Variants in TNRC6A observed in about 807,000 individuals in gnomAD.
The protein encoded by TNRC6A is trinucleotide repeat containing adaptor 6A, also known as trinucleotide repeat-containing gene 6A protein.
Under a neutral mutation model 221.2 loss-of-function variants are expected in TNRC6A, and 44 were observed. The observed-to-expected ratio is 0.20, with a 90% CI of 0.16 to 0.26. TNRC6A has a LOEUF of 0.26. Among genes scored for constraint, TNRC6A ranks in the 10% least tolerant of loss-of-function variants. TNRC6A has a pLI of 1.00. For missense variants in TNRC6A, 2,199 were observed against 2,404.4 expected (o/e 0.91, Z 1.79); for synonymous variants, 847 against 838.5 (o/e 1.01, Z -0.18).
intron 2 of TNRC6A, among the ~76,000 whole-genome samples, chr16:24,681,530 A>C (rs1252025665): frequency 6.6e-6 from 1 of 151,810 alleles, no homozygotes; most frequent in Non-Finnish European, 1.5e-5. Flanking sequence ...ACCTGACCTA[A>C]CCTGTTTTTT....
At chr16:24,746,827 G>C (rs759841904) in intron 2 of TNRC6A, among the ~76,000 whole-genome samples, 14 of 152,144 alleles carry the variant, frequency 9.2e-5, no homozygotes, top group Non-Finnish European at 1.3e-4. Context: ...GTCAGGAGGC[G>C]CAAGAGTAGG....
intron 18 of TNRC6A, among the ~76,000 whole-genome samples, chr16:24,810,047 A>G (rs2058511787): frequency 6.6e-6 from 1 of 152,210 alleles, no homozygotes; most frequent in African/African-American, 2.4e-5. Flanking sequence ...TCCTGACCTC[A>G]GGTGATCCAT....
At chr16:24,770,063 G>T (rs558441674) in intron 4 of TNRC6A, among the ~76,000 whole-genome samples, 1 of 152,286 alleles carries the variant, frequency 6.6e-6, no homozygotes, top group African/African-American at 2.4e-5. Context: ...AACATAACAT[G>T]CTTCTAAGAT....
intron 2 of TNRC6A, among the ~76,000 whole-genome samples, chr16:24,660,931 C>T (rs147415502): frequency 3.3e-4 from 50 of 151,596 alleles, no homozygotes; most frequent in African/African-American, 1.2e-3. Flanking sequence ...TTAGTAGAGA[C>T]GGGGTTTCAC....
At chr16:24,727,371 T>C (rs1212346453), upstream of TNRC6A, among the ~76,000 whole-genome samples, 2 of 152,124 alleles carry the variant, frequency 1.3e-5, no homozygotes, top group African/African-American at 4.8e-5. Flanking sequence ...TGGGAATTAG[T>C]TCCAGGCTTT....
intron 2 of TNRC6A, among the ~76,000 whole-genome samples, chr16:24,642,012 G>T (rs528903121): frequency 6.6e-6 from 1 of 152,332 alleles, no homozygotes; most frequent in Non-Finnish European, 1.5e-5. Context: ...GATAGGTTGG[G>T]TTTGACTGGA....
intron 2 of TNRC6A, among the ~76,000 whole-genome samples, chr16:24,641,414 G>T (rs948524595): frequency 2.0e-5 from 3 of 152,188 alleles, no homozygotes; most frequent in Admixed American, 6.5e-5. Flanking sequence ...CAGTTAGGAG[G>T]CCTTTGGAGA....
At chr16:24,730,727 T>C (rs1389235371) in intron 2 of TNRC6A, among the ~76,000 whole-genome samples, 1 of 62,450 alleles carries the variant, frequency 1.6e-5, no homozygotes, top group East Asian at 4.4e-4. Flanking sequence ...TACTATGTGT[T>C]CGCATTCCCC....
intron 1 of TNRC6A, among the ~76,000 whole-genome samples, chr16:24,635,107 C>A (rs1478642583): frequency 1.4e-5 from 2 of 139,774 alleles, no homozygotes; most frequent in African/African-American, 2.8e-5. Context: ...TTCTTTCTTT[C>A]TTTATTTCTT....
At chr16:24,707,975 C>T (rs1359561865) in intron 2 of TNRC6A, among the ~76,000 whole-genome samples, 1 of 151,910 alleles carries the variant, frequency 6.6e-6, no homozygotes, top group African/African-American at 2.4e-5. Flanking sequence ...GGGAGGACTG[C>T]TTGAGTCTGG....
rs1157666013 is a variant in TNRC6A, at chr16:24,777,126, G to A, written c.357G>A (p.Gln119=). Reference sequence around the variant, plus strand: ...AGCAGCCACAGCCGCAGCCGCAGCAGCAGCAGCCACAGCAGCAGCCACAGG... The same window carrying A: ...AGCAGCCACAGCCGCAGCCGCAGCAACAGCAGCCACAGCAGCAGCCACAGG... ...PQQQPQPQPQ[Q]QQPQQQPQAL... is the part of the protein sequence containing the mutation. The change falls in exon 5 of 25, where the codon CAG becomes CAA. Residue 119 remains glutamine, a synonymous_variant. Transcript: ENST00000395799. 4 of 1,611,176 alleles carry A rather than the reference G, an allele frequency of 2.5e-6. No homozygotes were observed. In the South Asian group the frequency reaches 3.3e-5, roughly 13 times the overall value.
At chr16:24,778,308 A>G (rs1236623978) in intron 5 of TNRC6A, 1 of 984,936 alleles carries the variant, frequency 1.0e-6, no homozygotes, top group Non-Finnish European at 1.2e-6. Context: ...ACCAAGAACT[A>G]CTCTGTACAT....
At chr16:24,743,784 A>G (rs1347450160) in intron 2 of TNRC6A, among the ~76,000 whole-genome samples, 1 of 152,196 alleles carries the variant, frequency 6.6e-6, no homozygotes. Context: ...ACTTACAGAC[A>G]TGATACCCCT....
At chr16:24,663,843 C>T (rs771085419) in intron 2 of TNRC6A, 37 of 447,352 alleles carry the variant, frequency 8.3e-5, no homozygotes, top group Non-Finnish European at 1.3e-4. Context: ...ATGTTGTTAG[C>T]ATCAACTACC....
At chr16:24,758,141 C>T (rs1274179117) in intron 3 of TNRC6A, among the ~76,000 whole-genome samples, 198 bp from the exon 4 acceptor site, 2 of 152,152 alleles carry the variant, frequency 1.3e-5, no homozygotes, top group African/African-American at 2.4e-5. Context: ...AACATAGTAT[C>T]AGGGATAATG....
At chr16:24,777,387 A>T (rs1406339103) in intron 5 of TNRC6A, 29 bp downstream of exon 5, 2 of 1,583,018 alleles carry the variant, frequency 1.3e-6, no homozygotes, top group Non-Finnish European at 1.7e-6. Flanking sequence ...TACGAGACTC[A>T]CACCTTATCA....
intron 2 of TNRC6A, among the ~76,000 whole-genome samples, chr16:24,697,023 G>T (rs2055879083): frequency 6.6e-6 from 1 of 152,190 alleles, no homozygotes; most frequent in Non-Finnish European, 1.5e-5. Flanking sequence ...GCACTAGTTA[G>T]TGAGTGACTA....
At chr16:24,755,570 G>A (rs1596622149) in intron 3 of TNRC6A, among the ~76,000 whole-genome samples, 5 of 152,362 alleles carry the variant, frequency 3.3e-5, no homozygotes, top group Admixed American at 3.3e-4. Context: ...CTTTAGAGAA[G>A]TTAACACATT....
At chr16:24,814,402 T>TTTTTTTC (rs2058611116) in intron 18 of TNRC6A, among the ~76,000 whole-genome samples, 1 of 38,956 alleles carries the variant, frequency 2.6e-5, no homozygotes, top group Non-Finnish European at 5.6e-5. Flanking sequence ...TCTTTTCTTT[T>TTTTTTTC]TTTTTTCTTT....
Sources: gnomAD v4.1 joint callset for allele counts (sites outside exome capture counted in the v4.1 genomes callset) on GRCh38, gnomAD v4.1.1 for gene constraint, MANE v1.5 for transcripts, NCBI Gene and HGNC (gene_info 2026-07-23, HGNC 2026-07-21) for gene names.